CPA6: variants seen among roughly 807,000 people sequenced by gnomAD.
CPA6 encodes carboxypeptidase A6, also known as carboxypeptidase B.
In CPA6, 58 loss-of-function variants were observed where a neutral mutation model predicts 63.3. The ratio of observed to expected loss-of-function variants is 0.92; its 90% CI spans 0.74 to 1.14. The LOEUF (loss-of-function observed/expected upper bound fraction) is 1.14. Among genes scored for constraint, CPA6 ranks in the 50% most tolerant of loss-of-function variants. CPA6 has a pLI of 0.00. For missense variants in CPA6, 565 were observed against 526.6 expected (o/e 1.07, Z -0.71); for synonymous variants, 185 against 179.0 (o/e 1.03, Z -0.27).
intron 1 of CPA6, among the ~76,000 whole-genome samples, chr8:67,632,464 C>T (rs565785517): frequency 5.3e-5 from 8 of 152,230 alleles, no homozygotes; most frequent in East Asian, 1.9e-4. Context: ...TGTGCCACCA[C>T]GCCCAGCTAA....
chr8:67,660,800 C>G (rs1816092187), intron 1 of CPA6, among the ~76,000 whole-genome samples: 2 of 151,986 alleles, frequency 1.3e-5, no homozygotes, highest in Non-Finnish European at 2.9e-5. Flanking sequence ...TGTGAATTTT[C>G]TGGAAAGGAC....
At chr8:67,567,967 T>G (rs1197802760) in intron 2 of CPA6, among the ~76,000 whole-genome samples, 1 of 151,828 alleles carries the variant, frequency 6.6e-6, no homozygotes, top group Non-Finnish European at 1.5e-5. Context: ...CCCACAGAGA[T>G]CAGCACACAG....
chr8:67,595,615 C>T (rs1167394448), intron 2 of CPA6, among the ~76,000 whole-genome samples: 1 of 152,238 alleles, frequency 6.6e-6, no homozygotes. Context: ...GCCTTGCTGC[C>T]ACCTTGCAGT....
chr8:67,437,989 C>T (rs997201025), intron 8 of CPA6, among the ~76,000 whole-genome samples: 9 of 152,112 alleles, frequency 5.9e-5, no homozygotes, highest in Admixed American at 2.0e-4. Flanking sequence ...AATCTCAGCT[C>T]ACTGCAACCT....
At chr8:67,444,584 G>A (rs1810371615) in intron 8 of CPA6, among the ~76,000 whole-genome samples, 1 of 151,700 alleles carries the variant, frequency 6.6e-6, no homozygotes, top group Non-Finnish European at 1.5e-5. Flanking sequence ...GGGAGTTCGA[G>A]ATCAGTCTGA....
At chr8:67,733,571 T>C (rs919434632) in intron 1 of CPA6, among the ~76,000 whole-genome samples, 3 of 152,188 alleles carry the variant, frequency 2.0e-5, no homozygotes, top group African/African-American at 7.2e-5. Context: ...TATGGCATAT[T>C]AATTTTCTGT....
intron 2 of CPA6, among the ~76,000 whole-genome samples, chr8:67,621,334 T>TG (rs1426172102): frequency 2.0e-5 from 3 of 152,198 alleles, no homozygotes; most frequent in Non-Finnish European, 4.4e-5. Flanking sequence ...ACCCATTGAA[T>TG]GGGGGCATGG....
rs1188472552 is a variant in CPA6 at position 67,475,908 on chromosome 8, TTCTTTCTTTCTTTCTTTCTTTCTTTC to T, written c.838+7834_838+7859del. ...TTTCTTTCTTTCTTTCTTTCTTTCT[TTCTTTCTTTCTTTCTTTCTTTCTTTC>T]TCTTTCTTTCTCTGTCTTTCTTTCT... On this transcript the variant is annotated intron_variant, in intron 8 of 10. Coordinates refer to ENST00000297770, the MANE Select transcript of CPA6 (RefSeq NM_020361.5). Among the ~76,000 whole-genome samples the T allele has an allele frequency of 9.1e-4, 92 of 100,678 alleles. 3 individuals carry two copies. The highest frequency in any genetic ancestry group is 2.3e-3 in the African/African-American group (50 of 21,778). 66.0% of individuals were successfully genotyped at this position (100,678 alleles called of 152,430 possible). A position where few individuals can be genotyped will look rare whatever the true frequency, so the allele number is the denominator to read the frequency against.
At chr8:67,587,765 T>C (rs1160240447) in intron 2 of CPA6, among the ~76,000 whole-genome samples, 1 of 152,170 alleles carries the variant, frequency 6.6e-6, no homozygotes, top group Non-Finnish European at 1.5e-5. Context: ...GGCTTACTAA[T>C]TGTGTAAAGA....
intron 2 of CPA6, among the ~76,000 whole-genome samples, chr8:67,544,007 C>T (rs2134598): frequency 0.18 from 27,588 of 151,866 alleles, 2,897 homozygotes; most frequent in South Asian, 0.29. Context: ...AGGCTAGTCT[C>T]GAACTCCTGG....
chr8:67,484,089 A>G (rs1348691186), intron 7 of CPA6, among the ~76,000 whole-genome samples: 1 of 144,102 alleles, frequency 6.9e-6, no homozygotes, highest in African/African-American at 2.6e-5. Context: ...TTTTTTTTTG[A>G]GACAGAGTCT....
In CPA6 at chr8:67,422,584, T is replaced by A; in HGVS notation, c.1234A>T (p.Met412Leu). 1.2e-6 allele frequency: 2 copies of A among 1,614,162 alleles called. No individual in the cohort carries two copies. The highest frequency in any genetic ancestry group is 2.2e-5 in the South Asian group (2 of 91,088). The change falls in exon 11 of 11, where the codon ATG (methionine) becomes TTG (leucine). Residue 412 changes from methionine (M) to leucine (L), a missense_variant. Met to Leu is a conservative substitution (Grantham distance 15). Coordinates refer to ENST00000297770, the MANE Select transcript of CPA6 (RefSeq NM_020361.5). The part of the protein sequence containing the change: ...TGYFGFLLPE[M>L]LIKPTCTETM... Reference sequence around the variant, plus strand: ...TCTGTACAGGTGGGTTTGATGAGCATCTCTGGGAGTAAAAATCCAAAATAT... The same window carrying A: ...TCTGTACAGGTGGGTTTGATGAGCAACTCTGGGAGTAAAAATCCAAAATAT...
chr8:67,601,176 G>T (rs1814488500), intron 2 of CPA6, among the ~76,000 whole-genome samples: 1 of 152,216 alleles, frequency 6.6e-6, no homozygotes, highest in African/African-American at 2.4e-5. Flanking sequence ...TAGCTGTGCT[G>T]GCACATGCAA....
chr8:67,450,990 CCTTTA>C (rs1810545652), intron 8 of CPA6, among the ~76,000 whole-genome samples: 1 of 152,190 alleles, frequency 6.6e-6, no homozygotes, highest in African/African-American at 2.4e-5. Flanking sequence ...ACTCTCCTCT[CCTTTA>C]GAGGGTGAGC....
At chr8:67,598,580 A>G (rs978152043) in intron 2 of CPA6, among the ~76,000 whole-genome samples, 4 of 152,200 alleles carry the variant, frequency 2.6e-5, no homozygotes, top group African/African-American at 9.6e-5. Context: ...ATATTTTAAA[A>G]TAACATTGTA....
chr8:67,633,164 A>ATT (rs1303260862), intron 1 of CPA6, among the ~76,000 whole-genome samples: 25 of 152,300 alleles, frequency 1.6e-4, no homozygotes, highest in African/African-American at 4.8e-4. Flanking sequence ...GCTTCCTTAG[A>ATT]AAAACTCTTC....
At chr8:67,693,960 G>A (rs1816862814) in intron 1 of CPA6, among the ~76,000 whole-genome samples, 1 of 152,172 alleles carries the variant, frequency 6.6e-6, no homozygotes, top group South Asian at 2.1e-4. Flanking sequence ...GCAGGTCAAG[G>A]TATCTCTTCT....
intron 3 of CPA6, among the ~76,000 whole-genome samples, chr8:67,513,406 T>C (rs1812081419): frequency 6.6e-6 from 1 of 152,116 alleles, no homozygotes; most frequent in African/African-American, 2.4e-5. Context: ...GTCAACGTAT[T>C]CCAATACTGC....
intron 1 of CPA6, among the ~76,000 whole-genome samples, chr8:67,644,586 C>T (rs559113506): frequency 2.0e-5 from 3 of 152,350 alleles, no homozygotes; most frequent in South Asian, 2.1e-4. Flanking sequence ...CAAGCATGTT[C>T]TTGCTGTTAG....
Sources: allele counts gnomAD v4.1 joint callset (sites outside exome capture counted in the v4.1 genomes callset), GRCh38; gene constraint gnomAD v4.1.1; transcripts MANE v1.5; gene names NCBI Gene and HGNC (gene_info 2026-07-23, HGNC 2026-07-21).